The following PTPRD variants were observed in gnomAD, a reference collection of about 807,000 sequenced individuals.
PTPRD encodes the protein receptor-type tyrosine-protein phosphatase delta.
In PTPRD, 34 loss-of-function variants were observed where a neutral mutation model predicts 214.5. The ratio of observed to expected loss-of-function variants is 0.16; its 90% CI spans 0.12 to 0.21. The LOEUF (loss-of-function observed/expected upper bound fraction) is 0.21, where lower values mean the gene tolerates loss of function less well. Among genes scored for constraint, PTPRD ranks in the 10% least tolerant of loss-of-function variants. The pLI, the probability that PTPRD is intolerant of heterozygous loss-of-function variation, is 1.00. For synonymous variants in PTPRD, 1,128 were observed against 845.7 expected (o/e 1.33, Z -5.79); for missense variants, 2,545 against 2,398.7 (o/e 1.06, Z -1.27).
intron 3 of PTPRD, among the ~76,000 whole-genome samples, chr9:10,099,010 AT>A (rs1284226774): frequency 1.3e-5 from 2 of 151,826 alleles, no homozygotes; most frequent in African/African-American, 4.8e-5. Flanking sequence ...TTTTGACAAT[AT>A]CATCTTTTGG....
intron 3 of PTPRD, among the ~76,000 whole-genome samples, chr9:10,090,014 G>T (rs1046461711): frequency 1.3e-4 from 19 of 151,578 alleles, no homozygotes; most frequent in African/African-American, 4.6e-4. Flanking sequence ...CATGCAGAGA[G>T]TGAAGGACAC....
chr9:9,710,857 T>C (rs1218445613), intron 7 of PTPRD, among the ~76,000 whole-genome samples: 1 of 152,140 alleles, frequency 6.6e-6, no homozygotes, highest in African/African-American at 2.4e-5. Context: ...AAAATATTGA[T>C]GAGAAGAAGA....
At chr9:10,338,785 G>C (rs1450895204) in intron 3 of PTPRD, among the ~76,000 whole-genome samples, 1 of 151,420 alleles carries the variant, frequency 6.6e-6, no homozygotes, top group Non-Finnish European at 1.5e-5. Context: ...GTTTGGAACA[G>C]GAGAAAAAAA....
chr9:8,336,902 C>T (rs1048913487), intron 43 of PTPRD, among the ~76,000 whole-genome samples: 1 of 152,122 alleles, frequency 6.6e-6, no homozygotes, highest in African/African-American at 2.4e-5. Flanking sequence ...AATGAGATAC[C>T]ATCTTACACC....
Position 9,574,731 on chromosome 9 carries a change from C to T in PTPRD, c.-237+1G>A, listed in dbSNP as rs1352089269. 1 of 151,916 alleles carries T rather than the reference C, an allele frequency of 6.6e-6. No individual in the cohort carries two copies. The highest frequency in any genetic ancestry group is 1.5e-5 in the Non-Finnish European group (1 of 67,928). The allele number at this position is 151,916 out of a possible 1,614,324, so 9.4% of individuals were successfully genotyped here. ...ATTAGGTAAATTAATTATAATCTTA[C>T]CGTAAGCTCACAGGTTAGGAATTCG... On this transcript the variant is annotated splice_donor_variant, in intron 8 of 45. Transcript: ENST00000381196. LOFTEE classifies it low-confidence loss of function (5UTR_SPLICE).
chr9:9,911,511 TAC>T (rs1397429706), intron 5 of PTPRD, among the ~76,000 whole-genome samples: 1 of 147,328 alleles, frequency 6.8e-6, no homozygotes, highest in Non-Finnish European at 1.5e-5. Flanking sequence ...TAAATTACCA[TAC>T]ACAGAGTTAT....
chr9:10,477,811 T>C (rs2099072924), intron 2 of PTPRD, among the ~76,000 whole-genome samples: 1 of 152,002 alleles, frequency 6.6e-6, no homozygotes, highest in South Asian at 2.1e-4. Flanking sequence ...TAAAAAAGGA[T>C]GAGTTCATGT....
chr9:9,109,620 G>C (rs921057273), intron 10 of PTPRD, among the ~76,000 whole-genome samples: 1 of 152,100 alleles, frequency 6.6e-6, no homozygotes, highest in Non-Finnish European at 1.5e-5. Flanking sequence ...GAGCCACAAA[G>C]AGCTCAGTCT....
chr9:8,766,831 C>T (rs1394027452), intron 11 of PTPRD, among the ~76,000 whole-genome samples: 1 of 152,118 alleles, frequency 6.6e-6, no homozygotes, highest in Non-Finnish European at 1.5e-5. Context: ...TTAGAAGTTT[C>T]GTGATGTGTT....
intron 11 of PTPRD, among the ~76,000 whole-genome samples, chr9:8,970,855 T>C (rs2099233529): frequency 6.6e-6 from 1 of 151,644 alleles, no homozygotes; most frequent in Non-Finnish European, 1.5e-5. Flanking sequence ...GAAGACATAC[T>C]TCTGAGTTGA....
intron 7 of PTPRD, among the ~76,000 whole-genome samples, chr9:9,608,805 T>C (rs946111028): frequency 6.6e-6 from 1 of 152,252 alleles, no homozygotes; most frequent in African/African-American, 2.4e-5. Flanking sequence ...TAGCAGGGTT[T>C]GCTTGATTCC....
chr9:9,579,866 C>G (rs1341795798), intron 7 of PTPRD, among the ~76,000 whole-genome samples: 1 of 152,108 alleles, frequency 6.6e-6, no homozygotes, highest in Non-Finnish European at 1.5e-5. Flanking sequence ...CTCCCTTACC[C>G]TCTGAGTTTC....
At chr9:10,090,052 T>C (rs2154197279) in intron 3 of PTPRD, among the ~76,000 whole-genome samples, 1 of 151,804 alleles carries the variant, frequency 6.6e-6, no homozygotes, top group East Asian at 1.9e-4. Context: ...AAGAAATTGC[T>C]TGATTGCTTT....
chr9:10,052,338 G>A (rs887021836), intron 3 of PTPRD, among the ~76,000 whole-genome samples: 14 of 152,078 alleles, frequency 9.2e-5, no homozygotes, highest in African/African-American at 2.7e-4. Context: ...TAAAAAAGGC[G>A]CCTGCTTAGT....
chr9:10,361,735 T>A (rs892206674), intron 2 of PTPRD, among the ~76,000 whole-genome samples: 8 of 152,256 alleles, frequency 5.3e-5, no homozygotes, highest in African/African-American at 1.9e-4. Flanking sequence ...TTGAATAGTA[T>A]TATACTATTT....
intron 12 of PTPRD, among the ~76,000 whole-genome samples, chr9:8,693,159 TCA>T (rs2154383585): frequency 6.6e-6 from 1 of 152,324 alleles, no homozygotes; most frequent in East Asian, 1.9e-4. Context: ...AAGGTAAGTT[TCA>T]CAGTTTTTTC....
chr9:10,212,696 T>C (rs768741537), intron 3 of PTPRD, among the ~76,000 whole-genome samples: 3 of 152,172 alleles, frequency 2.0e-5, no homozygotes, highest in Non-Finnish European at 4.4e-5. Flanking sequence ...CAGGTCACCA[T>C]TGAGAGCCTC....
At chr9:8,886,709 A>G (rs2098491990) in intron 11 of PTPRD, among the ~76,000 whole-genome samples, 2 of 152,214 alleles carry the variant, frequency 1.3e-5, no homozygotes, top group Non-Finnish European at 2.9e-5. Context: ...TGTTGTGTGA[A>G]GCAGCTGCAT....
chr9:9,969,896 C>G (rs7032996), intron 4 of PTPRD, among the ~76,000 whole-genome samples: 2 of 151,940 alleles, frequency 1.3e-5, no homozygotes, highest in Non-Finnish European at 2.9e-5. Flanking sequence ...CATTTTTCTC[C>G]TGGCCTCTGG....
Sources: allele counts gnomAD v4.1 joint callset (sites outside exome capture counted in the v4.1 genomes callset), GRCh38; gene constraint gnomAD v4.1.1; transcripts MANE v1.5; gene names NCBI Gene and HGNC (gene_info 2026-07-23, HGNC 2026-07-21).